Variants in ARFGAP3 observed in about 807,000 individuals in gnomAD.
The protein encoded by ARFGAP3 is ARF GTPase activating protein 3.
ARFGAP3 carries 72 observed loss-of-function variants against 75.0 expected under a neutral mutation model. The ratio of observed to expected loss-of-function variants is 0.96; its 90% CI spans 0.79 to 1.17. The LOEUF (loss-of-function observed/expected upper bound fraction) is 1.17. Ranked by LOEUF, ARFGAP3 falls within the 50% of genes most tolerant of loss-of-function variation. ARFGAP3 has a pLI of 0.00. For synonymous variants in ARFGAP3, 221 were observed against 217.9 expected (o/e 1.01, Z -0.13); for missense variants, 620 against 626.6 (o/e 0.99, Z 0.11).
At chr22:42,804,134 G>A (rs148207402) in intron 14 of ARFGAP3, among the ~76,000 whole-genome samples, 1,603 of 151,672 alleles carry the variant, frequency 0.011, 28 homozygotes, top group African/African-American at 0.036. Flanking sequence ...GAACTCCTGA[G>A]CTCAAGCGAT....
At chr22:42,817,387 G>A in intron 10 of ARFGAP3, 123 bp from the exon 11 acceptor site, 2 of 1,334,542 alleles carry the variant, frequency 1.5e-6, no homozygotes, top group Non-Finnish European at 2.0e-6. Context: ...AAAAACATAA[G>A]CAATAAAACA....
intron 3 of ARFGAP3, among the ~76,000 whole-genome samples, chr22:42,836,886 T>A (rs1194116870): frequency 6.6e-6 from 1 of 152,072 alleles, no homozygotes; most frequent in African/African-American, 2.4e-5. Flanking sequence ...CCAAGTCACA[T>A]GGGTAGCAAG....
intron 11 of ARFGAP3, among the ~76,000 whole-genome samples, chr22:42,811,904 C>T (rs776240646): frequency 3.3e-5 from 5 of 152,060 alleles, no homozygotes; most frequent in Non-Finnish European, 7.4e-5. Context: ...CAGCCAGGCA[C>T]GGTGGCTCAC....
At chr22:42,812,102 T>C (rs1925389530) in intron 11 of ARFGAP3, among the ~76,000 whole-genome samples, 1 of 151,370 alleles carries the variant, frequency 6.6e-6, no homozygotes, top group Admixed American at 6.6e-5. Context: ...TAATGGGGCA[T>C]GGTGGCACGC....
intron 12 of ARFGAP3, among the ~76,000 whole-genome samples, chr22:42,810,378 C>T (rs151150249): frequency 0.011 from 1,614 of 151,720 alleles, 30 homozygotes; most frequent in African/African-American, 0.037. Flanking sequence ...GCAGGAGAAT[C>T]GCTTGAACCT....
chr22:42,831,070 C>T (rs1036816284), intron 6 of ARFGAP3, among the ~76,000 whole-genome samples: 10 of 151,782 alleles, frequency 6.6e-5, no homozygotes, highest in South Asian at 2.1e-4. Context: ...GAGGCCAAGG[C>T]GGGTGGATCA....
At chr22:42,799,002 C>CCGT in intron 15 of ARFGAP3, 37 bp downstream of exon 15, 1 of 1,576,544 alleles carries the variant, frequency 6.3e-7, no homozygotes, top group Non-Finnish European at 8.7e-7. Flanking sequence ...GCTGAACCTA[C>CCGT]CGTCATAGCC....
At chr22:42,832,963 A>C (rs5758969) in intron 5 of ARFGAP3, among the ~76,000 whole-genome samples, 67,943 of 151,292 alleles carry the variant, frequency 0.45, 15,753 homozygotes, top group Non-Finnish European at 0.48. Context: ...ACAGCCTGGG[A>C]AACAAGAGGG....
At chr22:42,818,083 T>C (rs1349074301) in intron 9 of ARFGAP3, 1 of 182,088 alleles carries the variant, frequency 5.5e-6, no homozygotes, top group Non-Finnish European at 1.0e-5. Context: ...GCTCAACCTA[T>C]ACCACTGTTC....
chr22:42,852,677 T>C (rs144956119), intron 1 of ARFGAP3, among the ~76,000 whole-genome samples: 1 of 152,116 alleles, frequency 6.6e-6, no homozygotes, highest in Admixed American at 6.5e-5. Context: ...CTTAATACTG[T>C]TCAAACAAGG....
rs1215872279 is a variant in ARFGAP3, at chr22:42,810,867, T to G, written c.1142A>C (p.Lys381Thr). 1.2e-6 allele frequency: 2 copies of G among 1,614,230 alleles called. No homozygotes were observed. Among genetic ancestry groups the G allele is most frequent in the Non-Finnish European group, 1.7e-6 (2 of 1,180,042 alleles). ...TGTTTCAGTATCTTTGCTGGTCTCT[T>G]TTTTCCAATAGGAATCTGAACTGTC... ...WDDSSDSYWK[K>T]ETSKDTETVL... Residue 381 changes from lysine to threonine, a missense_variant, in exon 12 of 16, where the codon AAA becomes ACA. Lys to Thr is a moderately conservative substitution (Grantham distance 78, BLOSUM62 -1). Coordinates refer to ENST00000263245, the MANE Select transcript of ARFGAP3 (RefSeq NM_014570.5).
chr22:42,856,045 AAAAT>A (rs954557447), intron 1 of ARFGAP3, among the ~76,000 whole-genome samples: 2 of 152,250 alleles, frequency 1.3e-5, no homozygotes. Context: ...TGTCTCTAAA[AAAAT>A]AAATAAATAA....
At chr22:42,820,716 CCTTT>C (rs1274390991) in intron 9 of ARFGAP3, among the ~76,000 whole-genome samples, 5 of 152,070 alleles carry the variant, frequency 3.3e-5, no homozygotes, top group Non-Finnish European at 7.4e-5. Flanking sequence ...GGTTACTTTT[CCTTT>C]CTGTGTAGCA....
At chr22:42,802,340 T>C (rs535509534) in intron 14 of ARFGAP3, among the ~76,000 whole-genome samples, 104 of 151,708 alleles carry the variant, frequency 6.9e-4, no homozygotes, top group Non-Finnish European at 9.9e-4. Context: ...GACTGGAGTG[T>C]AGTGGCGCGA....
At chr22:42,844,403 G>A (rs1926915989) in intron 2 of ARFGAP3, among the ~76,000 whole-genome samples, 1 of 151,954 alleles carries the variant, frequency 6.6e-6, no homozygotes, top group Non-Finnish European at 1.5e-5. Context: ...TGGCCAACAT[G>A]GTGAAACCCC....
At chr22:42,832,104 C>T (rs1926316788) in intron 5 of ARFGAP3, among the ~76,000 whole-genome samples, 1 of 150,836 alleles carries the variant, frequency 6.6e-6, no homozygotes, top group Admixed American at 6.6e-5. Context: ...TTCTTGATAA[C>T]CATTTTTGGT....
At chr22:42,802,363 G>A (rs1404586740) in intron 14 of ARFGAP3, among the ~76,000 whole-genome samples, 7 of 151,568 alleles carry the variant, frequency 4.6e-5, no homozygotes, top group African/African-American at 1.7e-4. Context: ...TTAGCTCACT[G>A]CAAGCTCCGC....
intron 1 of ARFGAP3, among the ~76,000 whole-genome samples, chr22:42,850,571 C>CAAAAAAAAA (rs57841993): frequency 3.5e-5 from 2 of 57,586 alleles, no homozygotes; most frequent in Admixed American, 2.5e-4. Flanking sequence ...ACCCTGCTAT[C>CAAAAAAAAA]AAAAAAAAAA....
intron 1 of ARFGAP3, among the ~76,000 whole-genome samples, chr22:42,851,558 G>T (rs1403517681): frequency 6.6e-6 from 1 of 152,230 alleles, no homozygotes; most frequent in Non-Finnish European, 1.5e-5. Context: ...CAGTTTATAG[G>T]GGTAGAGGAG....
Sources: allele counts gnomAD v4.1 joint callset (sites outside exome capture counted in the v4.1 genomes callset), GRCh38; gene constraint gnomAD v4.1.1; transcripts MANE v1.5; gene names NCBI Gene and HGNC (gene_info 2026-07-23, HGNC 2026-07-21).